Variants in WWOX observed in about 807,000 individuals in gnomAD.
The protein encoded by WWOX is WW domain-containing oxidoreductase.
Under a neutral mutation model 46.2 loss-of-function variants are expected in WWOX, and 69 were observed. That is an observed-to-expected ratio of 1.49 (90% CI 1.23 to 1.82). The LOEUF (loss-of-function observed/expected upper bound fraction) is 1.82. WWOX is among the 40% of genes most tolerant of loss of function. The pLI is 0.00. For synonymous variants in WWOX, 359 were observed against 202.6 expected (o/e 1.77, Z -6.56); for missense variants, 919 against 542.6 (o/e 1.69, Z -6.89).
chr16:79,086,934 T>A (rs936805367), intron 8 of WWOX, among the ~76,000 whole-genome samples: 1 of 152,144 alleles, frequency 6.6e-6, no homozygotes, highest in Non-Finnish European at 1.5e-5. Flanking sequence ...TGCAGTCACA[T>A]CTCTAGTACA....
intron 8 of WWOX, among the ~76,000 whole-genome samples, chr16:78,987,701 G>A (rs1182015107): frequency 3.3e-5 from 5 of 152,174 alleles, no homozygotes; most frequent in African/African-American, 4.8e-5. Flanking sequence ...GCAGAGTAAC[G>A]TGAATTCATT....
At chr16:78,697,929 C>T (rs928099267) in intron 8 of WWOX, among the ~76,000 whole-genome samples, 2 of 152,132 alleles carry the variant, frequency 1.3e-5, no homozygotes, top group Non-Finnish European at 2.9e-5. Flanking sequence ...GCCATGCTAC[C>T]TGTAAGCAAG....
At chr16:78,662,319 G>C (rs751496791) in intron 8 of WWOX, among the ~76,000 whole-genome samples, 7 of 152,212 alleles carry the variant, frequency 4.6e-5, no homozygotes, top group Non-Finnish European at 1.0e-4. Context: ...GTGTTGGTCA[G>C]CATTTCATCT....
Position 78,276,099 on chromosome 16 carries a change from A to C in WWOX, c.517-110761A>C, listed in dbSNP as rs148763378. 4.1e-3 allele frequency among the ~76,000 whole-genome samples: 619 copies of C among 152,306 alleles called. 2 individuals carry two copies. The highest frequency in any genetic ancestry group is 6.2e-3 in the Non-Finnish European group (421 of 68,022). On this transcript the variant is annotated intron_variant, in intron 5 of 8. Transcript: ENST00000566780. ...TAGCGTGCTGCAGTTTCATGATGGC[A>C]AGAAGGAGGTTACCAAAGCCGTTTT...
At chr16:78,623,869 C>G (rs1215127595) in intron 8 of WWOX, among the ~76,000 whole-genome samples, 1 of 152,154 alleles carries the variant, frequency 6.6e-6, no homozygotes, top group African/African-American at 2.4e-5. Context: ...CTTCCACCTA[C>G]AGAGTCACAT....
chr16:78,692,318 G>A (rs924055118), intron 8 of WWOX, among the ~76,000 whole-genome samples: 1 of 152,188 alleles, frequency 6.6e-6, no homozygotes, highest in African/African-American at 2.4e-5. Flanking sequence ...CATTTGAAAG[G>A]TTTTCTGAAA....
At chr16:78,921,692 A>G (rs1000718646) in intron 8 of WWOX, among the ~76,000 whole-genome samples, 10 of 152,142 alleles carry the variant, frequency 6.6e-5, no homozygotes, top group South Asian at 6.2e-4. Flanking sequence ...TCTGAGTACT[A>G]ACTGTTAAAG....
At chr16:78,634,482 C>A (rs889546429) in intron 8 of WWOX, among the ~76,000 whole-genome samples, 1 of 151,914 alleles carries the variant, frequency 6.6e-6, no homozygotes, top group Non-Finnish European at 1.5e-5. Flanking sequence ...GCGAGGCGGG[C>A]AGATCACAAG....
intron 7 of WWOX, among the ~76,000 whole-genome samples, chr16:78,430,789 A>G (rs923784612): frequency 6.6e-6 from 1 of 152,174 alleles, no homozygotes; most frequent in African/African-American, 2.4e-5. Flanking sequence ...GTCATTTAAC[A>G]CTAGAAATTG....
chr16:78,369,673 A>G (rs1269416010), intron 5 of WWOX, among the ~76,000 whole-genome samples: 3 of 152,028 alleles, frequency 2.0e-5, no homozygotes, highest in Non-Finnish European at 2.9e-5. Context: ...CAATTTCTCC[A>G]GAAAGGTCTC....
At chr16:78,875,620 C>T (rs967117447) in intron 8 of WWOX, among the ~76,000 whole-genome samples, 1 of 152,132 alleles carries the variant, frequency 6.6e-6, no homozygotes, top group African/African-American at 2.4e-5. Context: ...TCGTCAGAAT[C>T]CCGGTACATT....
intron 8 of WWOX, among the ~76,000 whole-genome samples, chr16:78,612,754 G>A (rs2045930561): frequency 6.6e-6 from 1 of 152,124 alleles, no homozygotes. Context: ...TGGGATTACA[G>A]GCATGAGCCA....
rs569169361 is a variant in WWOX, at chr16:78,280,607, G to A, written c.517-106253G>A. On this transcript the variant is annotated intron_variant, in intron 5 of 8. Transcript: ENST00000566780. ...AGGAAACTTACAATCATGGCAGAAG[G>A]CAAAGAGAGAGCAGCAGGTGACATG... Among the ~76,000 whole-genome samples the A allele has an allele frequency of 1.3e-3, 194 of 148,554 alleles. 1 individual carries two copies. Among genetic ancestry groups the A allele is most frequent in the African/African-American group, 4.6e-3 (187 of 40,302 alleles).
intron 8 of WWOX, among the ~76,000 whole-genome samples, chr16:78,807,740 T>C (rs1469160945): frequency 6.6e-6 from 1 of 152,238 alleles, no homozygotes; most frequent in East Asian, 1.9e-4. Flanking sequence ...TTCTCCAAAG[T>C]GGCCTGACCA....
intron 8 of WWOX, among the ~76,000 whole-genome samples, chr16:78,741,602 C>A (rs764510242): frequency 4.0e-5 from 6 of 151,830 alleles, no homozygotes; most frequent in Non-Finnish European, 8.8e-5. Flanking sequence ...TGCCTGTAAT[C>A]CCAGCACTTT....
chr16:79,183,981 C>G (rs2150792109), intron 8 of WWOX, among the ~76,000 whole-genome samples: 1 of 152,364 alleles, frequency 6.6e-6, no homozygotes, highest in Middle Eastern at 3.4e-3. Context: ...GCCCTTGTCA[C>G]TTTCTCAACT....
chr16:78,530,433 C>T (rs2043594715), intron 8 of WWOX, among the ~76,000 whole-genome samples: 2 of 152,142 alleles, frequency 1.3e-5, no homozygotes, highest in South Asian at 4.1e-4. Context: ...GAAGACAAAG[C>T]AGGAAGGTAA....
At chr16:78,679,461 G>C (rs962613976) in intron 8 of WWOX, among the ~76,000 whole-genome samples, 13 of 152,194 alleles carry the variant, frequency 8.5e-5, no homozygotes, top group African/African-American at 3.1e-4. Flanking sequence ...TGAGGCAGGA[G>C]AGTCACTTGA....
chr16:78,169,034 A>T (rs2035063678), intron 5 of WWOX, among the ~76,000 whole-genome samples: 1 of 152,170 alleles, frequency 6.6e-6, no homozygotes, highest in African/African-American at 2.4e-5. Context: ...AAGAGGGAGG[A>T]GATGGAGGCA....
Sources: allele counts gnomAD v4.1 joint callset (sites outside exome capture counted in the v4.1 genomes callset), GRCh38; gene constraint gnomAD v4.1.1; transcripts MANE v1.5; gene names NCBI Gene and HGNC (gene_info 2026-07-23, HGNC 2026-07-21).